Variants in SLC12A2 observed in about 807,000 individuals in gnomAD.
The protein encoded by SLC12A2 is Na-K-2Cl cotransporter 1.
Under a neutral mutation model 136.3 loss-of-function variants are expected in SLC12A2, and 67 were observed. The observed-to-expected ratio is 0.49, with a 90% confidence interval of 0.40 to 0.60. The LOEUF is 0.60. Among genes scored for constraint, SLC12A2 ranks in the 20% least tolerant of loss-of-function variants. SLC12A2 has a pLI of 0.00. For synonymous variants in SLC12A2, 619 were observed against 562.9 expected, an observed-to-expected ratio of 1.10 and a Z score of -1.41; for missense variants, 1,322 against 1,534.7, an observed-to-expected ratio of 0.86 and a Z score of 2.32.
chr5:128,099,823 GC>G (rs1201336227), intron 1 of SLC12A2, among the ~76,000 whole-genome samples: 1 of 152,100 alleles, frequency 6.6e-6, no homozygotes, highest in African/African-American at 2.4e-5. Context: ...AGGTCTTCAA[GC>G]ACTATAACAC....
chr5:128,110,612 A>T, intron 1 of SLC12A2: 1 of 1,064,046 alleles, frequency 9.4e-7, no homozygotes, highest in Non-Finnish European at 1.5e-6. Flanking sequence ...GCAGCTTATC[A>T]CCTGCCATAT....
chr5:128,114,134 T>C, intron 2 of SLC12A2, 78 bp from the exon 3 acceptor site: 10 of 1,009,784 alleles, frequency 9.9e-6, no homozygotes, highest in Non-Finnish European at 1.5e-5. Flanking sequence ...ATGTTCTACT[T>C]TGACTGGTTT....
At chr5:128,125,536 A>G (rs144400091) in intron 4 of SLC12A2, among the ~76,000 whole-genome samples, 254 of 152,268 alleles carry the variant, frequency 1.7e-3, no homozygotes, top group African/African-American at 5.6e-3. Flanking sequence ...ATTTTTCTAT[A>G]TATCTAGTTA....
chr5:128,141,832 T>A lies in SLC12A2; in HGVS notation c.1624T>A (p.Ser542Thr), dbSNP rs1022639749. Residue 542 changes from serine to threonine, a missense_variant and splice_region_variant, in exon 10 of 27, where the codon TCT becomes ACT. Coordinates refer to ENST00000262461, the MANE Select transcript of SLC12A2 (RefSeq NM_001046.3). Reference protein sequence around the residue: ...VYVGIAVSVGSCVVRDATGNV... With the variant: ...VYVGIAVSVGTCVVRDATGNV... ...TCTTGTTGTCACTTGTGCTTTAGGTTCTTGTGTTGTTCGAGATGCCACTGG... is the reference window on the plus strand; with the variant it reads ...TCTTGTTGTCACTTGTGCTTTAGGTACTTGTGTTGTTCGAGATGCCACTGG... 3.1e-6 allele frequency: 5 copies of A among 1,612,472 alleles called. No individual in the cohort carries two copies. The African/African-American group carries it at 6.7e-5, about 21-fold the overall frequency.
chr5:128,129,491 T>A (rs1761937923), intron 4 of SLC12A2, among the ~76,000 whole-genome samples: 1 of 151,982 alleles, frequency 6.6e-6, no homozygotes, highest in Admixed American at 6.6e-5. Flanking sequence ...TTTTTTTCAT[T>A]TTCAGGATCA....
At chr5:128,137,992 C>T (rs961469259) in intron 7 of SLC12A2, among the ~76,000 whole-genome samples, 4 of 150,300 alleles carry the variant, frequency 2.7e-5, no homozygotes, top group Non-Finnish European at 4.4e-5. Context: ...GGCTGGAGTG[C>T]AATGGCATGA....
intron 22 of SLC12A2, 104 bp from the exon 23 acceptor site, chr5:128,180,779 G>C: frequency 1.4e-6 from 1 of 693,838 alleles, no homozygotes; most frequent in South Asian, 1.8e-5. Context: ...AAAGATTTTT[G>C]TTTCATATGG....
chr5:128,164,847 G>GTTTT (rs35076550), intron 17 of SLC12A2, among the ~76,000 whole-genome samples: 1 of 123,562 alleles, frequency 8.1e-6, no homozygotes. Flanking sequence ...AAACTGTTTT[G>GTTTT]TTTTTTTTTT....
chr5:128,110,207 G>T, intron 1 of SLC12A2: 1 of 809,340 alleles, frequency 1.2e-6, no homozygotes, highest in Non-Finnish European at 2.2e-6. Context: ...ACTGGCCTTT[G>T]CTTTGGAAAA....
At chr5:128,183,719 C>A (rs1041101863) in intron 24 of SLC12A2, among the ~76,000 whole-genome samples, 3 of 152,064 alleles carry the variant, frequency 2.0e-5, no homozygotes, top group Admixed American at 2.0e-4. Context: ...TTTTTTACAT[C>A]ACTTTTATTC....
At position 128,085,917 on chromosome 5, in the gene SLC12A2, A is replaced by T. The variant is rs571244674; in HGVS notation, c.756+1207A>T. Among the ~76,000 whole-genome samples, 6 of 152,280 alleles carry T rather than the reference A, an allele frequency of 3.9e-5. 1 individual carries two copies. In the South Asian group the frequency reaches 1.2e-3, roughly 32 times the overall value. ...TAGATAATACTATTCTTGTTATTCC[A>T]TTGTGGTATTTTGTCATAATCAGAA... On this transcript the variant is annotated intron_variant, in intron 1 of 26. Coordinates refer to ENST00000262461, the MANE Select transcript of SLC12A2 (RefSeq NM_001046.3).
chr5:128,166,167 G>A (rs963704408), intron 17 of SLC12A2, among the ~76,000 whole-genome samples: 1 of 151,646 alleles, frequency 6.6e-6, no homozygotes, highest in Non-Finnish European at 1.5e-5. Context: ...ATAAATATTT[G>A]AATTAATTTT....
chr5:128,111,548 G>A (rs1482744661), intron 1 of SLC12A2, among the ~76,000 whole-genome samples: 3 of 152,020 alleles, frequency 2.0e-5, no homozygotes, highest in African/African-American at 4.8e-5. Context: ...GGCAGATCAC[G>A]AGGTCAGGAG....
At chr5:128,110,368 C>T in intron 1 of SLC12A2, 6 of 972,332 alleles carry the variant, frequency 6.2e-6, no homozygotes, top group South Asian at 3.8e-5. Context: ...CAAGCTAACA[C>T]GGGTCCTCCC....
chr5:128,121,446 C>T (rs1220574948), intron 4 of SLC12A2, among the ~76,000 whole-genome samples: 1 of 151,996 alleles, frequency 6.6e-6, no homozygotes, highest in East Asian at 1.9e-4. Context: ...CCTCAGCCTC[C>T]CGAGTAGCTG....
chr5:128,135,778 A>G lies in SLC12A2; in HGVS notation c.1378A>G (p.Lys460Glu), dbSNP rs1470653981. 2.5e-6 allele frequency: 4 copies of G among 1,609,330 alleles called. No individual in the cohort carries two copies. Among genetic ancestry groups the G allele is most frequent in the Non-Finnish European group, 3.4e-6 (4 of 1,176,202 alleles). The change falls in exon 7 of 27, where the codon AAG becomes GAG. Residue 460 changes from lysine (K) to glutamate (E), a missense_variant. Physicochemically the swap from Lys to Glu is moderately conservative, Grantham distance 56 (BLOSUM62 1). Around this residue, in one of 8 missense-constraint regions of SLC12A2, gnomAD observed 110 missense variants for 114.5 expected, o/e 0.96. Coordinates refer to ENST00000262461, the MANE Select transcript of SLC12A2 (RefSeq NM_001046.3). The part of the protein sequence containing the change: ...VIGTFIPLES[K>E]KPKGFFGYKS... Reference sequence around the variant, plus strand: ...AGGAACATTTATCCCACTGGAGAGCAAGAAGCCAAAAGGGTTTTTTGGTTA... The same window carrying G: ...AGGAACATTTATCCCACTGGAGAGCGAGAAGCCAAAAGGGTTTTTTGGTTA...
rs937864626 is a variant in SLC12A2, at chr5:128,177,409, ATTT to A, written c.2977+263_2977+265del. On this transcript the variant is annotated intron_variant, in intron 21 of 26. Transcript: ENST00000262461. Reference sequence around the variant, plus strand: ...TATTAGACCCAGACAGCCGGTATTAATTTTTTTTAATTTAAACTGCATGGTTTA... The same window carrying A: ...TATTAGACCCAGACAGCCGGTATTAATTTTTAATTTAAACTGCATGGTTTA... 1.7e-5 allele frequency: 5 copies of A among 291,378 alleles called. No individual in the cohort carries two copies. In the East Asian group the frequency reaches 4.0e-4, roughly 23 times the overall value. 18.0% of individuals were successfully genotyped at this position (291,378 alleles called of 1,614,324 possible).
intron 8 of SLC12A2, 23 bp from the exon 9 acceptor site, chr5:128,138,801 T>TA (rs1285494547): frequency 1.9e-6 from 3 of 1,605,876 alleles, no homozygotes; most frequent in East Asian, 4.5e-5. Context: ...AGATAGACTT[T>TA]AAAAAATCTT....
Position 128,150,070 on chromosome 5 carries a change from A to G in SLC12A2, c.2079A>G (p.Val693=). 6.2e-7 allele frequency: 1 copy of G among 1,606,990 alleles called. No homozygotes were observed. The highest frequency in any genetic ancestry group is 8.5e-7 in the Non-Finnish European group (1 of 1,175,346). Residue 693 remains valine (V), a synonymous_variant, in exon 13 of 27, where the codon GTA becomes GTG. Coordinates refer to ENST00000262461, the MANE Select transcript of SLC12A2 (RefSeq NM_001046.3). The stretch of plus-strand genomic sequence containing the variant: ...CATATGCATTGATCAATTTTTCAGT[A>G]TTCCATGCATCACTTGCAAAATCTC... The part of the protein sequence containing the change: ...LASYALINFS[V]FHASLAKSPG...
Sources: gnomAD v4.1 joint callset for allele counts (sites outside exome capture counted in the v4.1 genomes callset) on GRCh38, gnomAD v4.1.1 for gene constraint, gnomAD v4.1.1 regional missense constraint, MANE v1.5 for transcripts, NCBI Gene and HGNC (gene_info 2026-07-23, HGNC 2026-07-21) for gene names.